The following ARMC1 variants were observed in gnomAD, a reference collection of about 807,000 sequenced individuals.
ARMC1 encodes armadillo repeat-containing protein 1.
Under a neutral mutation model 31.4 loss-of-function variants are expected in ARMC1, and 16 were observed. The observed-to-expected ratio is 0.51, with a 90% confidence interval of 0.34 to 0.77. The LOEUF is 0.77. ARMC1 is among the 30% of genes least tolerant of loss of function. The pLI is 0.01. For missense variants in ARMC1, 259 were observed against 347.5 expected, an observed-to-expected ratio of 0.75 and a Z score of 2.02; for synonymous variants, 114 against 118.9, an observed-to-expected ratio of 0.96 and a Z score of 0.27.
rs138207252 is a variant in ARMC1, at chr8:65,620,227, A to G, written c.275+2036T>C. On this transcript the variant is annotated intron_variant, in intron 3 of 6. Transcript: ENST00000276569. ...AGTGTCACTAGCCACATGACTAAAC[A>G]CTTGGAATATGGCAAATGTGACTGA... Among the ~76,000 whole-genome samples the G allele has an allele frequency of 7.0e-4, 106 of 150,886 alleles. 1 individual carries two copies. The East Asian group carries it at 0.017, about 24-fold the overall frequency.
chr8:65,618,388 G>T (rs963926743), intron 3 of ARMC1, among the ~76,000 whole-genome samples: 2 of 151,852 alleles, frequency 1.3e-5, no homozygotes, highest in Non-Finnish European at 2.9e-5. Context: ...CGGGCGTGGT[G>T]GCGGGCGCCT....
At chr8:65,630,679 C>A (rs1401050530) in intron 1 of ARMC1, among the ~76,000 whole-genome samples, 1 of 152,032 alleles carries the variant, frequency 6.6e-6, no homozygotes, top group African/African-American at 2.4e-5. Flanking sequence ...ATTAGCTGGG[C>A]ATGGTGGTAG....
At chr8:65,621,501 C>A (rs1409764538) in intron 3 of ARMC1, among the ~76,000 whole-genome samples, 2 of 152,062 alleles carry the variant, frequency 1.3e-5, no homozygotes, top group African/African-American at 4.8e-5. Context: ...AGATCAGCAA[C>A]CATGGTTATA....
At chr8:65,614,736 G>T (rs765461241) in intron 3 of ARMC1, among the ~76,000 whole-genome samples, 2 of 152,046 alleles carry the variant, frequency 1.3e-5, no homozygotes, top group African/African-American at 2.4e-5. Flanking sequence ...TATGTTCTTT[G>T]TTCTAGAATG....
chr8:65,624,294 T>C (rs1054537538), intron 2 of ARMC1, among the ~76,000 whole-genome samples: 1 of 150,004 alleles, frequency 6.7e-6, no homozygotes, highest in Admixed American at 6.6e-5. Flanking sequence ...AACTCAGGAG[T>C]TCAAGACCAG....
intron 3 of ARMC1, among the ~76,000 whole-genome samples, chr8:65,620,798 T>TAAAAAAAAAAAAAAA (rs776508929): frequency 1.7e-4 from 8 of 46,506 alleles, no homozygotes; most frequent in Non-Finnish European, 1.9e-4. Context: ...TTAGTTCCAT[T>TAAAAAAAAAAAAAAA]TAAAAAAAAA....
chr8:65,614,928 A>G (rs1808218748), intron 3 of ARMC1, among the ~76,000 whole-genome samples: 1 of 152,190 alleles, frequency 6.6e-6, no homozygotes, highest in Non-Finnish European at 1.5e-5. Flanking sequence ...TTGTACTTAT[A>G]CTACTGATCT....
chr8:65,609,265 G>A (rs529812683), intron 4 of ARMC1, among the ~76,000 whole-genome samples: 1 of 151,762 alleles, frequency 6.6e-6, no homozygotes, highest in East Asian at 1.9e-4. Flanking sequence ...ACCACACCTG[G>A]CTAGCCTATA....
At chr8:65,632,488 C>G (rs371416440) in intron 1 of ARMC1, among the ~76,000 whole-genome samples, 3 of 152,212 alleles carry the variant, frequency 2.0e-5, no homozygotes, top group East Asian at 1.9e-4. Context: ...TGGGGGGCAC[C>G]TGTAGTCCCA....
At chr8:65,618,395 G>A (rs975416893) in intron 3 of ARMC1, among the ~76,000 whole-genome samples, 15 of 150,938 alleles carry the variant, frequency 9.9e-5, no homozygotes, top group African/African-American at 2.4e-4. Context: ...GGTGGCGGGC[G>A]CCTGTAGTCC....
chr8:65,619,939 G>A (rs953763010), intron 3 of ARMC1, among the ~76,000 whole-genome samples: 24 of 149,940 alleles, frequency 1.6e-4, no homozygotes, highest in Admixed American at 5.3e-4. Context: ...AACCAAGATC[G>A]CGCCATTGCA....
rs1416470984 is a variant in ARMC1 at position 65,604,107 on chromosome 8, A to G, written c.*287T>C. Reference sequence around the variant, plus strand: ...AAATAAAATGTAAAGCTGCACATACACATGTGGTTTTAACAGTGGACCCAT... The same window carrying G: ...AAATAAAATGTAAAGCTGCACATACGCATGTGGTTTTAACAGTGGACCCAT... On this transcript the variant is annotated 3_prime_UTR_variant, in exon 7 of 7. Coordinates refer to ENST00000276569, the MANE Select transcript of ARMC1 (RefSeq NM_018120.6). 1.2e-5 allele frequency: 3 copies of G among 260,670 alleles called. No homozygotes were observed. Among genetic ancestry groups the G allele is most frequent in the African/African-American group, 2.2e-5 (1 of 45,032 alleles). 16.1% of individuals were successfully genotyped at this position (260,670 alleles called of 1,614,324 possible).
chr8:65,609,188 G>T (rs1182236543), intron 4 of ARMC1, among the ~76,000 whole-genome samples: 1 of 132,834 alleles, frequency 7.5e-6, no homozygotes, highest in Non-Finnish European at 1.6e-5. Flanking sequence ...GGCTGGTCTT[G>T]AACTCTTGGG....
chr8:65,627,454 A>T (rs1808537824), intron 1 of ARMC1, 21 bp from the exon 2 acceptor site: 3 of 1,435,686 alleles, frequency 2.1e-6, no homozygotes, highest in Non-Finnish European at 2.8e-6. Context: ...GGTTTGCAGA[A>T]TTAGTTCTAG....
chr8:65,608,924 A>G (rs1441798544), intron 4 of ARMC1, among the ~76,000 whole-genome samples: 1 of 151,972 alleles, frequency 6.6e-6, no homozygotes, highest in African/African-American at 2.4e-5. Context: ...AAAAATAAAG[A>G]AAGAAAGAAG....
intron 2 of ARMC1, among the ~76,000 whole-genome samples, chr8:65,625,247 A>G (rs967938505): frequency 5.3e-5 from 8 of 152,132 alleles, no homozygotes; most frequent in African/African-American, 1.2e-4. Flanking sequence ...TATCTACTGT[A>G]TATCATTTCA....
In ARMC1 at chr8:65,613,378, G is replaced by C. The variant is rs895079489; in HGVS notation, c.331C>G (p.Gln111Glu). Residue 111 changes from glutamine (Q) to glutamate (E), a missense_variant, in exon 4 of 7, where the codon CAG becomes GAG. By Grantham distance (29) the Gln-to-Glu change is conservative. Coordinates refer to ENST00000276569, the MANE Select transcript of ARMC1 (RefSeq NM_018120.6). The stretch of plus-strand genomic sequence containing the variant: ...TCACCATCTGCCATATTGGAGGACT[G>C]AAGAATGTCATAGATTTCAGAGGCC... ...LLASEIYDIL[Q>E]SSNMADGDSF... 3.1e-6 allele frequency: 5 copies of C among 1,609,690 alleles called. No individual in the cohort carries two copies. The highest frequency in any genetic ancestry group is 2.5e-6 in the Non-Finnish European group (3 of 1,178,438).
intron 4 of ARMC1, among the ~76,000 whole-genome samples, chr8:65,606,290 G>C (rs1808000027): frequency 6.6e-6 from 1 of 151,840 alleles, no homozygotes; most frequent in Non-Finnish European, 1.5e-5. Context: ...GAACCCGGGA[G>C]GCGGAGGTTG....
At chr8:65,604,793 C>G (rs1324786268) in intron 6 of ARMC1, among the ~76,000 whole-genome samples, 1 of 152,150 alleles carries the variant, frequency 6.6e-6, no homozygotes, top group African/African-American at 2.4e-5. Context: ...AGCAACCGCT[C>G]TCTGTGTAAT....
Sources: allele counts gnomAD v4.1 joint callset (sites outside exome capture counted in the v4.1 genomes callset), GRCh38; gene constraint gnomAD v4.1.1; transcripts MANE v1.5; gene names NCBI Gene and HGNC (gene_info 2026-07-23, HGNC 2026-07-21).